The following JAKMIP2 variants were observed in gnomAD, a reference collection of about 807,000 sequenced individuals.
JAKMIP2 encodes janus kinase and microtubule interacting protein 2, also known as janus kinase and microtubule-interacting protein 2.
JAKMIP2 carries 25 observed loss-of-function variants against 115.0 expected under a neutral mutation model. The observed-to-expected ratio is 0.22, with a 90% CI of 0.16 to 0.30. The LOEUF (loss-of-function observed/expected upper bound fraction) is 0.30, where lower values mean the gene tolerates loss of function less well. Ranked by LOEUF, JAKMIP2 falls within the 10% of genes least tolerant of loss-of-function variation. The probability of loss-of-function intolerance (pLI) is 1.00; values close to 1 mark genes in which losing one functional copy is unlikely to be tolerated. For missense variants in JAKMIP2, 642 were observed against 957.6 expected (o/e 0.67, Z 4.35); for synonymous variants, 334 against 343.6 (o/e 0.97, Z 0.31).
chr5:147,690,503 A>C (rs1751778493), intron 1 of JAKMIP2, among the ~76,000 whole-genome samples: 1 of 148,018 alleles, frequency 6.8e-6, no homozygotes, highest in African/African-American at 2.5e-5. Flanking sequence ...AATGAAGTCC[A>C]AAGTATAATG....
intron 1 of JAKMIP2, among the ~76,000 whole-genome samples, chr5:147,745,156 G>A (rs1754306718): frequency 6.6e-6 from 1 of 151,554 alleles, no homozygotes; most frequent in Non-Finnish European, 1.5e-5. Context: ...GAACCTAAGG[G>A]AAAACATCAA....
chr5:147,755,956 T>C (rs1318098366), intron 1 of JAKMIP2, among the ~76,000 whole-genome samples: 1 of 152,206 alleles, frequency 6.6e-6, no homozygotes, highest in Admixed American at 6.5e-5. Flanking sequence ...ATTTAATTTA[T>C]TCTGCATATA....
Position 147,594,381 on chromosome 5 carries a change from A to G in JAKMIP2, c.*21-2695T>C, listed in dbSNP as rs1431341840. ...ACAGGGTCTTGCTTTGTTGCTCAGGATGGAGTACAGTGGTGCAATCTTGTC... is the reference window on the plus strand; with the variant it reads ...ACAGGGTCTTGCTTTGTTGCTCAGGGTGGAGTACAGTGGTGCAATCTTGTC... On this transcript the variant is annotated intron_variant, in intron 21 of 21. Transcript: ENST00000616793. The G allele has an allele frequency of 6.7e-5, 30 of 447,260 alleles. No individual in the cohort carries two copies. In the East Asian group the frequency reaches 2.0e-3, roughly 29 times the overall value. 27.7% of individuals were successfully genotyped at this position (447,260 alleles called of 1,614,324 possible).
At chr5:147,654,830 A>T (rs995268742) in intron 3 of JAKMIP2, among the ~76,000 whole-genome samples, 1 of 152,118 alleles carries the variant, frequency 6.6e-6, no homozygotes, top group East Asian at 1.9e-4. Flanking sequence ...TCCATTCAGT[A>T]TGATATTGGC....
chr5:147,631,766 G>C (rs1757362995), intron 13 of JAKMIP2, among the ~76,000 whole-genome samples: 1 of 152,170 alleles, frequency 6.6e-6, no homozygotes, highest in South Asian at 2.1e-4. Flanking sequence ...GCAGGAAGTG[G>C]AGCTCCAGTT....
At chr5:147,705,960 T>A (rs1432107391) in intron 1 of JAKMIP2, among the ~76,000 whole-genome samples, 2 of 152,184 alleles carry the variant, frequency 1.3e-5, no homozygotes, top group African/African-American at 4.8e-5. Context: ...TATTTAACAA[T>A]TGAAAATGTA....
intron 21 of JAKMIP2, among the ~76,000 whole-genome samples, chr5:147,599,771 A>T (rs1019956398): frequency 6.6e-6 from 1 of 152,126 alleles, no homozygotes; most frequent in African/African-American, 2.4e-5. Flanking sequence ...TTAGAAGTGG[A>T]TTCTGGGCTG....
At chr5:147,630,468 G>A (rs937844477) in intron 14 of JAKMIP2, among the ~76,000 whole-genome samples, 1 of 152,110 alleles carries the variant, frequency 6.6e-6, no homozygotes, top group African/African-American at 2.4e-5. Flanking sequence ...TGCCACCCAG[G>A]AAGGCCAGAA....
At chr5:147,744,024 T>TTCCC (rs1754257967) in intron 1 of JAKMIP2, among the ~76,000 whole-genome samples, 1 of 139,832 alleles carries the variant, frequency 7.2e-6, no homozygotes, top group African/African-American at 2.9e-5. Flanking sequence ...CCTTCCTTCC[T>TTCCC]TCCTTCCTTC....
At chr5:147,709,967 C>A (rs1388856752) in intron 1 of JAKMIP2, among the ~76,000 whole-genome samples, 2 of 152,168 alleles carry the variant, frequency 1.3e-5, no homozygotes, top group Non-Finnish European at 2.9e-5. Flanking sequence ...AATGTGCATG[C>A]CTCATGTCTC....
intron 21 of JAKMIP2, chr5:147,594,444 T>C: frequency 2.2e-6 from 1 of 455,476 alleles, no homozygotes; most frequent in South Asian, 1.6e-5. Context: ...AAGCCATCCT[T>C]GCACTTCAGC....
At chr5:147,695,612 T>C (rs1376904016) in intron 1 of JAKMIP2, among the ~76,000 whole-genome samples, 1 of 151,934 alleles carries the variant, frequency 6.6e-6, no homozygotes, top group African/African-American at 2.4e-5. Flanking sequence ...AGGTTTGCAT[T>C]TCTCATTTCT....
chr5:147,625,236 C>T (rs1337959897), intron 16 of JAKMIP2, among the ~76,000 whole-genome samples: 1 of 152,142 alleles, frequency 6.6e-6, no homozygotes, highest in Non-Finnish European at 1.5e-5. Context: ...CCACCTCGAC[C>T]TCCCAAAGTG....
intron 1 of JAKMIP2, among the ~76,000 whole-genome samples, chr5:147,730,736 G>C (rs1161227488): frequency 6.6e-6 from 1 of 152,120 alleles, no homozygotes; most frequent in Non-Finnish European, 1.5e-5. Flanking sequence ...TTACAGGTGT[G>C]AGCCACCACA....
chr5:147,636,142 C>G, intron 12 of JAKMIP2, 80 bp downstream of exon 12: 1 of 1,211,096 alleles, frequency 8.3e-7, no homozygotes, highest in Middle Eastern at 1.9e-4. Flanking sequence ...CCCTGTGCCA[C>G]TCCTGAGAGC....
At chr5:147,657,838 G>A (rs1197776661) in intron 3 of JAKMIP2, among the ~76,000 whole-genome samples, 2 of 151,918 alleles carry the variant, frequency 1.3e-5, no homozygotes, top group Non-Finnish European at 2.9e-5. Flanking sequence ...CTCGTGCAGT[G>A]TTCTTCACCT....
At chr5:147,655,551 T>G (rs1758634873) in intron 3 of JAKMIP2, among the ~76,000 whole-genome samples, 1 of 152,160 alleles carries the variant, frequency 6.6e-6, no homozygotes, top group South Asian at 2.1e-4. Flanking sequence ...GTGATAGCTC[T>G]TTTATCATTT....
At chr5:147,615,483 C>G (rs956100197) in intron 19 of JAKMIP2, among the ~76,000 whole-genome samples, 1 of 151,784 alleles carries the variant, frequency 6.6e-6, no homozygotes, top group East Asian at 1.9e-4. Context: ...TTTTGGAGGG[C>G]GGGGTAGTCA....
At chr5:147,662,187 A>ACACAC (rs1561522635) in intron 2 of JAKMIP2, among the ~76,000 whole-genome samples, 2 of 123,756 alleles carry the variant, frequency 1.6e-5, no homozygotes, top group East Asian at 3.0e-4. Flanking sequence ...CACACACACA[A>ACACAC]ACAAAAAACC....
Sources: allele counts gnomAD v4.1 joint callset (sites outside exome capture counted in the v4.1 genomes callset), GRCh38; gene constraint gnomAD v4.1.1; transcripts MANE v1.5; gene names NCBI Gene and HGNC (gene_info 2026-07-23, HGNC 2026-07-21).